Variants in MRLN observed in about 807,000 individuals in gnomAD.
MRLN encodes the protein myoregulin, also known as Linc-RNA activator of myogenesis.
chr10:59,750,576 T>C (rs749612666), intron 1 of MRLN, among the ~76,000 whole-genome samples: 2 of 152,226 alleles, frequency 1.3e-5, no homozygotes, highest in African/African-American at 2.4e-5. Context: ...CCTAAACAGA[T>C]CATACATTGC....
intron 2 of MRLN, among the ~76,000 whole-genome samples, chr10:59,737,558 G>A (rs1840937393): frequency 6.7e-6 from 1 of 150,064 alleles, no homozygotes; most frequent in Non-Finnish European, 1.5e-5. Context: ...ATTTTTATTG[G>A]CATTGGTGAA....
intron 1 of MRLN, among the ~76,000 whole-genome samples, chr10:59,746,748 G>T (rs547498134): frequency 6.6e-6 from 1 of 152,198 alleles, no homozygotes; most frequent in Non-Finnish European, 1.5e-5. Flanking sequence ...TTGTAAATGG[G>T]ACATTGCCCA....
chr10:59,749,343 TG>T (rs1161859066), intron 1 of MRLN, among the ~76,000 whole-genome samples: 2 of 152,220 alleles, frequency 1.3e-5, no homozygotes, highest in African/African-American at 4.8e-5. Context: ...TATGGAGATT[TG>T]TTTGGCTCCA....
intron 1 of MRLN, among the ~76,000 whole-genome samples, chr10:59,753,062 A>C (rs2070180969): frequency 6.6e-6 from 1 of 152,236 alleles, no homozygotes; most frequent in African/African-American, 2.4e-5. Flanking sequence ...AAGTAGTTTA[A>C]ATATCGTTAA....
chr10:59,743,625 A>G (rs1183981190), intron 1 of MRLN, among the ~76,000 whole-genome samples: 1 of 152,084 alleles, frequency 6.6e-6, no homozygotes. Flanking sequence ...TATGAGTCAC[A>G]TGGTGCTTGG....
intron 1 of MRLN, among the ~76,000 whole-genome samples, chr10:59,745,118 A>AAAAAT (rs535771297): frequency 1.3e-5 from 2 of 150,664 alleles, no homozygotes; most frequent in East Asian, 3.8e-4. Flanking sequence ...ATACTAAAAA[A>AAAAAT]AAAATAAAAT....
chr10:59,742,713 C>A (rs1346123266), intron 1 of MRLN, among the ~76,000 whole-genome samples: 1 of 150,756 alleles, frequency 6.6e-6, no homozygotes, highest in Non-Finnish European at 1.5e-5. Context: ...CCTTCCCTTT[C>A]TTTTCCTTCC....
rs553183799 is a variant in MRLN at position 59,749,601 on chromosome 10, C to G, written c.-125+3753G>C. Among the ~76,000 whole-genome samples the G allele has an allele frequency of 2.6e-5, 4 of 151,838 alleles. No homozygotes were observed. In the South Asian group the frequency reaches 6.2e-4, roughly 24 times the overall value. On this transcript the variant is annotated intron_variant, in intron 1 of 2. Coordinates refer to ENST00000414264, the MANE Select transcript of MRLN (RefSeq NM_001304731.2). Reference sequence around the variant, plus strand: ...CTCAGCTACTCAGGAGGCTGAAGCACAAGAGTCGCTTGAACCTGGCAGGCA... The same window carrying G: ...CTCAGCTACTCAGGAGGCTGAAGCAGAAGAGTCGCTTGAACCTGGCAGGCA...
chr10:59,748,353 A>G (rs1422528071), intron 1 of MRLN, among the ~76,000 whole-genome samples: 5 of 152,200 alleles, frequency 3.3e-5, no homozygotes, highest in Admixed American at 1.3e-4. Flanking sequence ...TGAGCTCATT[A>G]AGGTCCCCTT....
chr10:59,747,301 C>CA (rs1207390994), intron 1 of MRLN, among the ~76,000 whole-genome samples: 9 of 152,262 alleles, frequency 5.9e-5, no homozygotes, highest in Middle Eastern at 3.4e-3. Context: ...ATCAGACTGA[C>CA]AGAGTTTGAA....
chr10:59,737,302 A>G (rs1840935165), intron 2 of MRLN, 82 bp from the exon 3 acceptor site: 1 of 380,334 alleles, frequency 2.6e-6, no homozygotes, highest in East Asian at 3.7e-5. Flanking sequence ...TTTCCACTAT[A>G]AAAAGATTGT....
intron 1 of MRLN, chr10:59,739,440 C>T (rs185695074): frequency 1.1e-4 from 16 of 152,240 alleles, no homozygotes; most frequent in South Asian, 6.2e-4. Flanking sequence ...CATCTCCATA[C>T]GTTACTTATA....
chr10:59,737,794 T>C (rs1382105180), intron 2 of MRLN, among the ~76,000 whole-genome samples: 1 of 152,184 alleles, frequency 6.6e-6, no homozygotes, highest in Admixed American at 6.5e-5. Context: ...GAATTTGTGG[T>C]CTGCATTCCA....
At chr10:59,741,804 G>A (rs927941168) in intron 1 of MRLN, among the ~76,000 whole-genome samples, 3 of 152,114 alleles carry the variant, frequency 2.0e-5, no homozygotes, top group African/African-American at 7.2e-5. Context: ...CTCAGCTCCT[G>A]AGTAGCTACG....
At chr10:59,742,877 T>C (rs1298227783) in intron 1 of MRLN, among the ~76,000 whole-genome samples, 1 of 151,996 alleles carries the variant, frequency 6.6e-6, no homozygotes, top group Non-Finnish European at 1.5e-5. Context: ...CACAGGCACA[T>C]GCAACCACAC....
chr10:59,739,293 C>T (rs114491030), intron 1 of MRLN: 2,560 of 152,162 alleles, frequency 0.017, 62 homozygotes, highest in African/African-American at 0.052. Flanking sequence ...TCCCTCAGTA[C>T]CCATGAGGGA....
chr10:59,746,363 C>T (rs951383139), intron 1 of MRLN, among the ~76,000 whole-genome samples: 7 of 152,058 alleles, frequency 4.6e-5, no homozygotes, highest in South Asian at 4.1e-4. Flanking sequence ...ATGTGCCAGG[C>T]GCTGCTTATG....
At chr10:59,743,299 A>G (rs987408052) in intron 1 of MRLN, among the ~76,000 whole-genome samples, 3 of 151,746 alleles carry the variant, frequency 2.0e-5, no homozygotes, top group Non-Finnish European at 2.9e-5. Context: ...TAAGGAAAGT[A>G]GTCTCATTAC....
At chr10:59,745,304 A>C (rs1841032302) in intron 1 of MRLN, among the ~76,000 whole-genome samples, 1 of 152,146 alleles carries the variant, frequency 6.6e-6, no homozygotes, top group East Asian at 1.9e-4. Context: ...AAGTTAGGAC[A>C]CCTTAAAAAC....
Sources: gnomAD v4.1 joint callset for allele counts (sites outside exome capture counted in the v4.1 genomes callset) on GRCh38, gnomAD v4.1.1 for gene constraint, MANE v1.5 for transcripts, NCBI Gene and HGNC (gene_info 2026-07-23, HGNC 2026-07-21) for gene names.